Variants in PHC2 observed in about 807,000 individuals in gnomAD.
PHC2 encodes the protein polyhomeotic-like protein 2.
In PHC2, 29 loss-of-function variants were observed where a neutral mutation model predicts 87.4. That is an observed-to-expected ratio of 0.33 (90% CI 0.25 to 0.45). PHC2 has a LOEUF of 0.45. Ranked by LOEUF, PHC2 falls within the 20% of genes least tolerant of loss-of-function variation. The pLI, the probability that PHC2 is intolerant of heterozygous loss-of-function variation, is 1.00. For missense variants in PHC2, 857 were observed against 1,136.7 expected (o/e 0.75, Z 3.54); for synonymous variants, 438 against 461.7 (o/e 0.95, Z 0.66).
In PHC2 at chr1:33,349,865, G is replaced by A. The variant is rs966654494; in HGVS notation, c.1558+4536C>T. On this transcript the variant is annotated intron_variant, in intron 9 of 14. Coordinates refer to ENST00000683057, the MANE Select transcript of PHC2 (RefSeq NM_001385109.1). This position sits in a 1 kb window ranked among gnomAD's most constrained non-coding sequence, Gnocchi z 4.2. ...GGGGTTGCGCGCGCGCGCGCGGCGG[G>A]CGCTCGAGGGCTGCAGCCGCCGCGG... 4.6e-5 allele frequency: 45 copies of A among 977,720 alleles called. No individual in the cohort carries two copies. In the East Asian group the frequency reaches 2.8e-3, roughly 61 times the overall value. The allele number at this position is 977,720 out of a possible 1,614,324, so 60.6% of individuals were successfully genotyped here. A position where few individuals can be genotyped will look rare whatever the true frequency, so the allele number is the denominator to read the frequency against.
At chr1:33,414,855 T>A (rs1650138895) in intron 1 of PHC2, among the ~76,000 whole-genome samples, 1 of 152,224 alleles carries the variant, frequency 6.6e-6, no homozygotes, top group Non-Finnish European at 1.5e-5. Flanking sequence ...CTACTAGTAG[T>A]CAATATGTAA....
chr1:33,326,713 G>T (rs1273080417), intron 14 of PHC2, among the ~76,000 whole-genome samples: 1 of 152,218 alleles, frequency 6.6e-6, no homozygotes. Context: ...CAGCACTTTA[G>T]GAGGCTGAGG....
chr1:33,371,932 A>G (rs1647869528), intron 3 of PHC2, among the ~76,000 whole-genome samples: 1 of 152,216 alleles, frequency 6.6e-6, no homozygotes, highest in South Asian at 2.1e-4. Context: ...GCTAAGGAGG[A>G]GAGAGAGCAA....
At chr1:33,419,174 T>C (rs190061796) in intron 1 of PHC2, among the ~76,000 whole-genome samples, 9 of 152,354 alleles carry the variant, frequency 5.9e-5, no homozygotes, top group Admixed American at 3.3e-4. Context: ...TACATACATG[T>C]TTGCCGAAAT....
At chr1:33,342,583 C>T (rs545722899) in intron 9 of PHC2, among the ~76,000 whole-genome samples, 10 of 151,134 alleles carry the variant, frequency 6.6e-5, no homozygotes, top group Admixed American at 2.6e-4. Flanking sequence ...GCTGCTTGAA[C>T]GCTTCCCAGC....
chr1:33,420,016 T>C (rs536838972), intron 1 of PHC2, among the ~76,000 whole-genome samples: 1 of 152,326 alleles, frequency 6.6e-6, no homozygotes, highest in African/African-American at 2.4e-5. Context: ...TTCCTTTTCC[T>C]TATAAGGTAA....
intron 9 of PHC2, among the ~76,000 whole-genome samples, chr1:33,337,262 A>G (rs1036536212): frequency 1.3e-5 from 2 of 152,170 alleles, no homozygotes; most frequent in Non-Finnish European, 2.9e-5. Context: ...ATTTTCTGGC[A>G]TTTGTTTGAA....
chr1:33,337,078 T>A (rs1646653533), intron 9 of PHC2, among the ~76,000 whole-genome samples: 1 of 152,242 alleles, frequency 6.6e-6, no homozygotes, highest in Non-Finnish European at 1.5e-5. Context: ...TAGATTACTA[T>A]GAAAGCTAAA....
intron 1 of PHC2, among the ~76,000 whole-genome samples, chr1:33,393,072 G>A (rs1027951227): frequency 6.6e-6 from 1 of 152,084 alleles, no homozygotes; most frequent in African/African-American, 2.4e-5. Flanking sequence ...CCTTACAAAA[G>A]CATGAGAGTT....
At chr1:33,367,472 G>T (rs1276236626) in intron 6 of PHC2, 44 bp from the exon 7 acceptor site, 1 of 1,418,234 alleles carries the variant, frequency 7.1e-7, no homozygotes, top group East Asian at 2.3e-5. Flanking sequence ...TGTGGCAGGA[G>T]CAATGCCAGT....
chr1:33,420,048 A>T (rs926068939), intron 1 of PHC2, among the ~76,000 whole-genome samples: 1 of 152,264 alleles, frequency 6.6e-6, no homozygotes, highest in South Asian at 2.1e-4. Context: ...TCTGGGGATA[A>T]GGAGCTAATA....
chr1:33,354,147 T>C (rs142096843), intron 9 of PHC2, among the ~76,000 whole-genome samples: 2 of 152,234 alleles, frequency 1.3e-5, no homozygotes, highest in Non-Finnish European at 2.9e-5. Flanking sequence ...ACCAGTGACA[T>C]GCAGGTAGGC....
Position 33,332,370 on chromosome 1 carries a change from T to C in PHC2, c.1796A>G (p.Lys599Arg), listed in dbSNP as rs1426634956. 2 of 1,614,192 alleles carry C rather than the reference T, an allele frequency of 1.2e-6. No homozygotes were observed. Among genetic ancestry groups the C allele is most frequent in the Non-Finnish European group, 1.7e-6 (2 of 1,180,036 alleles). Residue 599 changes from lysine to arginine, a missense_variant, in exon 11 of 15, where the codon AAG becomes AGG. Lys to Arg is a conservative substitution (Grantham distance 26). Around this residue, in one of 3 missense-constraint regions of PHC2, gnomAD observed 832 missense variants for 1,081.8 expected, o/e 0.77. Transcript: ENST00000683057. This position sits in a 1 kb window ranked among gnomAD's most constrained non-coding sequence, Gnocchi z 4.2. ...CAGGAACCCCTGTGCATACTTCTTC[T>C]TGAGATTCCCCACCAGCAGGGACGA... ...GRSSLLVGNL[K>R]KKYAQGFLPE... is the part of the protein sequence containing the mutation.
chr1:33,377,396 T>C (rs548165349), intron 1 of PHC2, among the ~76,000 whole-genome samples: 95 of 152,210 alleles, frequency 6.2e-4, no homozygotes, highest in Admixed American at 8.5e-4. Context: ...GGGCCATAAA[T>C]TCCTTCAGGG....
At position 33,370,605 on chromosome 1, in the gene PHC2, C is replaced by A; in HGVS notation, c.412-20G>T. The A allele has an allele frequency of 6.2e-7, 1 of 1,602,482 alleles. No homozygotes were observed. The stretch of plus-strand genomic sequence containing the variant: ...GTTGATCTAATGAGAGAGACATGTG[C>A]GGTAGGAGATAGGAGGTTCTGTTGG... On this transcript the variant is annotated intron_variant, in intron 4 of 14. Transcript: ENST00000683057.
chr1:33,367,990 G>C (rs1485766988), intron 6 of PHC2, among the ~76,000 whole-genome samples: 1 of 152,136 alleles, frequency 6.6e-6, no homozygotes, highest in Non-Finnish European at 1.5e-5. Context: ...TGAAAATCCG[G>C]CTACCAGCCC....
At chr1:33,372,678 C>A (rs1425092572) in intron 2 of PHC2, among the ~76,000 whole-genome samples, 1 of 151,850 alleles carries the variant, frequency 6.6e-6, no homozygotes, top group East Asian at 1.9e-4. Flanking sequence ...TCTGCAGCTC[C>A]TCCCCAGCAC....
intron 1 of PHC2, among the ~76,000 whole-genome samples, chr1:33,419,262 T>TA (rs1650330977): frequency 6.6e-6 from 1 of 152,224 alleles, no homozygotes; most frequent in Admixed American, 6.5e-5. Flanking sequence ...AGCTAAGCAG[T>TA]ATGATAAGTG....
intron 13 of PHC2, 139 bp downstream of exon 13, chr1:33,329,932 C>T (rs1450746752): frequency 1.1e-6 from 1 of 920,674 alleles, no homozygotes; most frequent in Non-Finnish European, 1.7e-6. Flanking sequence ...GAAGGCTCGA[C>T]TGGACAGGTC....
Sources: gnomAD v4.1 joint callset for allele counts (sites outside exome capture counted in the v4.1 genomes callset) on GRCh38, gnomAD v4.1.1 for gene constraint, gnomAD v4.1.1 regional missense constraint, Gnocchi (gnomAD v3.1) non-coding constraint, MANE v1.5 for transcripts, NCBI Gene and HGNC (gene_info 2026-07-23, HGNC 2026-07-21) for gene names.